The following ZNF385D variants were observed in gnomAD, a reference collection of about 807,000 sequenced individuals.
ZNF385D encodes the protein zinc finger protein 385D, also known as zinc finger protein 659.
ZNF385D carries 15 observed loss-of-function variants against 35.8 expected under a neutral mutation model. The ratio of observed to expected loss-of-function variants is 0.42; its 90% CI spans 0.28 to 0.64. ZNF385D has a LOEUF of 0.64. Ranked by LOEUF, ZNF385D falls within the 30% of genes least tolerant of loss-of-function variation. The pLI is 0.23. For synonymous variants in ZNF385D, 212 were observed against 186.8 expected (o/e 1.13, Z -1.10); for missense variants, 474 against 494.6 (o/e 0.96, Z 0.39).
chr3:22,177,659 T>G (rs1694926528), intron 2 of ZNF385D, among the ~76,000 whole-genome samples: 2 of 152,218 alleles, frequency 1.3e-5, no homozygotes, highest in Admixed American at 1.3e-4. Flanking sequence ...TGTATACATG[T>G]GCCGTGTTGG....
rs371802953 is a variant in ZNF385D at position 21,985,610 on chromosome 3, G to T, written c.325+183207C>A. Among the ~76,000 whole-genome samples, 59 of 141,616 alleles carry T rather than the reference G, an allele frequency of 4.2e-4. 1 individual carries two copies. The highest frequency in any genetic ancestry group is 3.9e-3 in the Admixed American group (57 of 14,506). 92.9% of individuals were successfully genotyped at this position (141,616 alleles called of 152,430 possible). ...ATTTTTGCATCAATGTTCATCAAGG[G>T]TATTGGTCTAAAATTCTCTTTTTTG... On this transcript the variant is annotated intron_variant, in intron 3 of 5. Coordinates refer to the ZNF385D transcript ENST00000494108.
At chr3:21,800,805 AAAT>A (rs1207476048) in intron 3 of ZNF385D, among the ~76,000 whole-genome samples, 1 of 152,010 alleles carries the variant, frequency 6.6e-6, no homozygotes, top group Non-Finnish European at 1.5e-5. Context: ...TTTCTACATA[AAAT>A]ATTATGTTAT....
intron 3 of ZNF385D, among the ~76,000 whole-genome samples, chr3:21,996,577 A>G (rs1389620669): frequency 2.6e-5 from 4 of 152,220 alleles, no homozygotes; most frequent in Non-Finnish European, 4.4e-5. Flanking sequence ...TATTAGTTTA[A>G]TGAGTGAGCA....
At chr3:22,122,360 A>C (rs1054720282) in intron 3 of ZNF385D, among the ~76,000 whole-genome samples, 1 of 152,140 alleles carries the variant, frequency 6.6e-6, no homozygotes, top group African/African-American at 2.4e-5. Flanking sequence ...TCTGGATTTT[A>C]TAGAAGTAAC....
At chr3:21,998,365 A>G (rs1695615675) in intron 3 of ZNF385D, among the ~76,000 whole-genome samples, 1 of 152,158 alleles carries the variant, frequency 6.6e-6, no homozygotes. Flanking sequence ...TTTCCTGACC[A>G]AAGCCAAGAA....
intron 3 of ZNF385D, among the ~76,000 whole-genome samples, chr3:21,970,927 A>G (rs1436170303): frequency 6.6e-6 from 1 of 152,030 alleles, no homozygotes; most frequent in Non-Finnish European, 1.5e-5. Flanking sequence ...TAAAGTGCAA[A>G]AGAAAAAAAA....
At chr3:21,510,322 ACTTAC>A (rs1475243912) in intron 4 of ZNF385D, among the ~76,000 whole-genome samples, 1 of 152,180 alleles carries the variant, frequency 6.6e-6, no homozygotes, top group Non-Finnish European at 1.5e-5. Context: ...TATCAATAAC[ACTTAC>A]CTGTGTTTGC....
At chr3:21,681,298 TAAAA>T (rs55872870) in intron 1 of ZNF385D, among the ~76,000 whole-genome samples, 1,040 of 64,472 alleles carry the variant, frequency 0.016, 19 homozygotes, top group African/African-American at 0.055. Flanking sequence ...ATTCCATCAG[TAAAA>T]AAAAAAAAAA....
chr3:21,442,882 T>C (rs1701934840), intron 4 of ZNF385D, among the ~76,000 whole-genome samples: 1 of 97,358 alleles, frequency 1.0e-5, no homozygotes, highest in Non-Finnish European at 2.0e-5. Context: ...TATATCTGTG[T>C]ATAAGTGTGT....
intron 1 of ZNF385D, among the ~76,000 whole-genome samples, chr3:21,733,901 A>C (rs1387139619): frequency 6.6e-6 from 1 of 152,178 alleles, no homozygotes; most frequent in Non-Finnish European, 1.5e-5. Flanking sequence ...CATATATAAA[A>C]GTATTGAGAT....
At chr3:22,116,501 G>T (rs575085042) in intron 3 of ZNF385D, among the ~76,000 whole-genome samples, 1 of 152,092 alleles carries the variant, frequency 6.6e-6, no homozygotes, top group Non-Finnish European at 1.5e-5. Context: ...ACAATAAAAT[G>T]TAGTAAAAGT....
At chr3:22,272,674 T>C (rs78963238) in intron 2 of ZNF385D, among the ~76,000 whole-genome samples, 3 of 152,166 alleles carry the variant, frequency 2.0e-5, no homozygotes, top group African/African-American at 2.4e-5. Flanking sequence ...CCTCTTAGGA[T>C]ATTGTCAGAA....
intron 3 of ZNF385D, among the ~76,000 whole-genome samples, chr3:22,077,234 A>G (rs1700509151): frequency 6.6e-6 from 1 of 151,994 alleles, no homozygotes; most frequent in Non-Finnish European, 1.5e-5. Context: ...TTACTGTATA[A>G]TTGCACTAAG....
At chr3:22,227,652 G>T (rs1171619672) in intron 2 of ZNF385D, among the ~76,000 whole-genome samples, 1 of 152,076 alleles carries the variant, frequency 6.6e-6, no homozygotes, top group African/African-American at 2.4e-5. Context: ...AGAGATGAAA[G>T]CACCTCTCCG....
chr3:22,360,626 A>G (rs941748872), intron 2 of ZNF385D, among the ~76,000 whole-genome samples: 1 of 152,028 alleles, frequency 6.6e-6, no homozygotes, highest in Non-Finnish European at 1.5e-5. Flanking sequence ...AATGACATGA[A>G]GTCTTAAGAA....
intron 2 of ZNF385D, among the ~76,000 whole-genome samples, chr3:21,587,807 T>C (rs73137022): frequency 0.059 from 8,889 of 151,822 alleles, 545 homozygotes; most frequent in African/African-American, 0.15. Context: ...AGAAAAAAGA[T>C]CCAACAAAGG....
rs78379572 is a variant in ZNF385D at position 21,935,017 on chromosome 3, G to A, written c.325+233800C>T. On this transcript the variant is annotated intron_variant, in intron 3 of 5. Transcript: ENST00000494108. ...TCCAGTGGTACTTAGTGCATTGGTA[G>A]CTCTTAGTTGCATGTTGCTATAAAG... is the stretch of plus-strand genomic sequence containing the variant. Among the ~76,000 whole-genome samples the A allele has an allele frequency of 2.5e-3, 377 of 152,246 alleles. 1 individual carries two copies. The highest frequency in any genetic ancestry group is 8.6e-3 in the African/African-American group (359 of 41,562).
intron 4 of ZNF385D, among the ~76,000 whole-genome samples, chr3:21,472,752 C>G (rs995577580): frequency 6.6e-6 from 1 of 152,118 alleles, no homozygotes; most frequent in African/African-American, 2.4e-5. Flanking sequence ...GATGCCTCAT[C>G]ATAGCCTGTC....
intron 3 of ZNF385D, among the ~76,000 whole-genome samples, chr3:21,947,757 C>G (rs2125290523): frequency 6.6e-6 from 1 of 152,244 alleles, no homozygotes; most frequent in Non-Finnish European, 1.5e-5. Context: ...TTTGTTGATA[C>G]ACCAAAATAT....
Sources: gnomAD v4.1 joint callset for allele counts (sites outside exome capture counted in the v4.1 genomes callset) on GRCh38, gnomAD v4.1.1 for gene constraint, MANE v1.5 for transcripts, NCBI Gene and HGNC (gene_info 2026-07-23, HGNC 2026-07-21) for gene names.